Variants in LPP observed in about 807,000 individuals in gnomAD.
The protein encoded by LPP is LIM domain containing preferred translocation partner in lipoma, also known as lipoma-preferred partner.
LPP carries 38 observed loss-of-function variants against 60.4 expected under a neutral mutation model. The ratio of observed to expected loss-of-function variants is 0.63; its 90% CI spans 0.49 to 0.83. The LOEUF (loss-of-function observed/expected upper bound fraction) is 0.83, where lower values mean the gene tolerates loss of function less well. Among genes scored for constraint, LPP ranks in the 40% least tolerant of loss-of-function variants. The probability of loss-of-function intolerance (pLI) is 0.00; values close to 1 mark genes in which losing one functional copy is unlikely to be tolerated. For missense variants in LPP, 902 were observed against 783.6 expected (o/e 1.15, Z -1.80); for synonymous variants, 328 against 290.8 (o/e 1.13, Z -1.30).
At chr3:188,695,710 G>T (rs915658905) in intron 7 of LPP, among the ~76,000 whole-genome samples, 1 of 152,142 alleles carries the variant, frequency 6.6e-6, no homozygotes, top group Non-Finnish European at 1.5e-5. Flanking sequence ...AGCTTGTTCT[G>T]CCTCTGAAGC....
rs562455129 is a variant in LPP, at chr3:188,520,465, A to G, written c.307-4200A>G. Among the ~76,000 whole-genome samples the G allele has an allele frequency of 3.7e-4, 57 of 152,360 alleles. No individual in the cohort carries two copies. In the South Asian group the frequency reaches 6.0e-3, roughly 16 times the overall value. On this transcript the variant is annotated intron_variant, in intron 5 of 11. Coordinates refer to ENST00000617246, the MANE Select transcript of LPP (RefSeq NM_001375462.1). ...ACTTATTCACAACCAGGAGAACAGTATAGGGGAAAATGCCCCCGTGATTCA... is the reference window on the plus strand; with the variant it reads ...ACTTATTCACAACCAGGAGAACAGTGTAGGGGAAAATGCCCCCGTGATTCA...
chr3:188,302,832 A>C (rs73888214), intron 2 of LPP, among the ~76,000 whole-genome samples: 266 of 152,314 alleles, frequency 1.7e-3, no homozygotes, highest in African/African-American at 6.0e-3. Context: ...TTTACTTCTT[A>C]ACTTTTCCAT....
intron 4 of LPP, among the ~76,000 whole-genome samples, chr3:188,417,673 T>A (rs1248031339): frequency 6.6e-6 from 1 of 152,174 alleles, no homozygotes; most frequent in East Asian, 1.9e-4. Flanking sequence ...AAATATGATC[T>A]TATACCACAG....
intron 1 of LPP, among the ~76,000 whole-genome samples, chr3:188,185,876 C>T (rs567681774): frequency 1.1e-4 from 17 of 152,346 alleles, no homozygotes; most frequent in Non-Finnish European, 2.1e-4. Flanking sequence ...CTCTGCAGCA[C>T]TCAGCATGAA....
chr3:188,790,950 T>G (rs1238409598), intron 9 of LPP, among the ~76,000 whole-genome samples: 1 of 151,276 alleles, frequency 6.6e-6, no homozygotes, highest in Non-Finnish European at 1.5e-5. Flanking sequence ...AAAAAAACGC[T>G]TTAGAAAAAC....
intron 1 of LPP, among the ~76,000 whole-genome samples, chr3:188,204,028 G>A (rs554212404): frequency 6.6e-6 from 1 of 152,184 alleles, no homozygotes; most frequent in Non-Finnish European, 1.5e-5. Context: ...AATTGGTGGG[G>A]CCATCTTTAG....
chr3:188,445,326 C>T (rs1794972614), intron 4 of LPP, among the ~76,000 whole-genome samples: 1 of 152,186 alleles, frequency 6.6e-6, no homozygotes, highest in African/African-American at 2.4e-5. Context: ...AGGATGAGTT[C>T]ATGTCCTTTG....
At chr3:188,301,364 G>A (rs915399910) in intron 2 of LPP, among the ~76,000 whole-genome samples, 8 of 152,108 alleles carry the variant, frequency 5.3e-5, no homozygotes, top group Non-Finnish European at 1.2e-4. Flanking sequence ...ACCAGAGCTC[G>A]GCCATTTTTG....
rs766522013 is a variant in LPP at position 188,485,796 on chromosome 3, C to CA, written c.306+1110dup. ...TGGGCGACAGAGCGAGACTCCGTCT[C>CA]AAAAAAAAAAAAAAAAAATGGAATG... is the stretch of plus-strand genomic sequence containing the variant. On this transcript the variant is annotated intron_variant, in intron 5 of 11. Coordinates refer to ENST00000617246, the MANE Select transcript of LPP (RefSeq NM_001375462.1). Among the ~76,000 whole-genome samples the CA allele has an allele frequency of 2.8e-3, 114 of 40,156 alleles. 7 individuals carry two copies. The highest frequency in any genetic ancestry group is 9.0e-3 in the African/African-American group (83 of 9,260). The allele number at this position is 40,156 out of a possible 152,430, so 26.3% of individuals were successfully genotyped here.
intron 2 of LPP, among the ~76,000 whole-genome samples, chr3:188,243,298 C>T (rs948763319): frequency 1.3e-5 from 2 of 152,134 alleles, no homozygotes; most frequent in Admixed American, 1.3e-4. Flanking sequence ...GTTCCCCCTA[C>T]CCCTCAGGTT....
chr3:188,668,879 C>T (rs935553025), intron 7 of LPP, among the ~76,000 whole-genome samples: 1 of 152,150 alleles, frequency 6.6e-6, no homozygotes, highest in African/African-American at 2.4e-5. Flanking sequence ...TTTATACTGT[C>T]TCCACGATTT....
intron 6 of LPP, among the ~76,000 whole-genome samples, chr3:188,600,822 G>T (rs60064097): frequency 0.083 from 12,497 of 151,408 alleles, 1,008 homozygotes; most frequent in African/African-American, 0.21. Flanking sequence ...TTTGTTTTTT[G>T]TTTTTGTAAC....
In LPP at chr3:188,610,704, C is replaced by T. The variant is rs1843524617; in HGVS notation, c.1113+860C>T. Among the ~76,000 whole-genome samples the T allele has an allele frequency of 6.6e-6, 1 of 152,202 alleles. No homozygotes were observed. Among genetic ancestry groups the T allele is most frequent in the Non-Finnish European group, 1.5e-5 (1 of 68,028 alleles). On this transcript the variant is annotated intron_variant, in intron 7 of 11. Transcript: ENST00000617246. The surrounding 1 kb of genome is among the most constrained non-coding windows in gnomAD (Gnocchi z 4.4). ...AGGTGTAATACTACACATGCCCACT[C>T]ACCACAACTTGGATTTTTCATTAGT...
chr3:188,610,488 T>A lies in LPP; in HGVS notation c.1113+644T>A, dbSNP rs932514425. Among the ~76,000 whole-genome samples the A allele has an allele frequency of 6.6e-6, 1 of 152,248 alleles. No homozygotes were observed. The highest frequency in any genetic ancestry group is 1.5e-5 in the Non-Finnish European group (1 of 68,040). ...CCTTTGAGAAGGGGCTGCAGTATAATGCAGCTTGTTTGTGACCCCTTGTTT... is the reference window on the plus strand; with the variant it reads ...CCTTTGAGAAGGGGCTGCAGTATAAAGCAGCTTGTTTGTGACCCCTTGTTT... On this transcript the variant is annotated intron_variant, in intron 7 of 11. Transcript: ENST00000617246. The surrounding 1 kb of genome is among the most constrained non-coding windows in gnomAD (Gnocchi z 4.4).
intron 2 of LPP, among the ~76,000 whole-genome samples, chr3:188,313,584 C>A (rs1754146265): frequency 6.6e-6 from 1 of 151,310 alleles, no homozygotes; most frequent in East Asian, 1.9e-4. Context: ...TTGCAGTGAG[C>A]CAAGATCCCG....
At chr3:188,571,951 G>A (rs924234175) in intron 6 of LPP, among the ~76,000 whole-genome samples, 8 of 152,030 alleles carry the variant, frequency 5.3e-5, no homozygotes, top group South Asian at 4.1e-4. Context: ...ATGACATAGC[G>A]GCCATTGTCT....
At chr3:188,632,259 G>A (rs894658196) in intron 7 of LPP, among the ~76,000 whole-genome samples, 1 of 152,098 alleles carries the variant, frequency 6.6e-6, no homozygotes, top group African/African-American at 2.4e-5. Context: ...AAAGTAATGG[G>A]TAACCTAAGT....
intron 2 of LPP, among the ~76,000 whole-genome samples, chr3:188,248,309 G>T (rs1727750786): frequency 6.6e-6 from 1 of 151,566 alleles, no homozygotes. Flanking sequence ...ATGCTTCTAG[G>T]AACGTTTAAA....
intron 2 of LPP, among the ~76,000 whole-genome samples, chr3:188,301,321 G>A (rs540379062): frequency 6.6e-6 from 1 of 152,324 alleles, no homozygotes; most frequent in Non-Finnish European, 1.5e-5. Context: ...GGTTACAGGG[G>A]CCAAAGGCCA....
Sources: allele counts gnomAD v4.1 joint callset (sites outside exome capture counted in the v4.1 genomes callset), GRCh38; gene constraint gnomAD v4.1.1; non-coding constraint Gnocchi (gnomAD v3.1); transcripts MANE v1.5; gene names NCBI Gene and HGNC (gene_info 2026-07-23, HGNC 2026-07-21).